Variants in AGBL3 observed in about 807,000 individuals in gnomAD.
AGBL3 encodes the protein AGBL carboxypeptidase 3.
In AGBL3, 68 loss-of-function variants were observed where a neutral mutation model predicts 94.5. The ratio of observed to expected loss-of-function variants is 0.72; its 90% CI spans 0.59 to 0.88. The LOEUF (loss-of-function observed/expected upper bound fraction) is 0.88. Ranked by LOEUF, AGBL3 falls within the 40% of genes least tolerant of loss-of-function variation. AGBL3 has a pLI of 0.00. For missense variants in AGBL3, 934 were observed against 1,103.8 expected (o/e 0.85, Z 2.18); for synonymous variants, 354 against 370.7 (o/e 0.95, Z 0.52).
chr7:135,049,287 T>C (rs56186797), intron 11 of AGBL3, among the ~76,000 whole-genome samples: 36,134 of 151,882 alleles, frequency 0.24, 5,351 homozygotes, highest in South Asian at 0.42. Flanking sequence ...TTAGTCATGG[T>C]GGGCAATCCT....
chr7:135,134,426 T>C (rs1427821382), intron 16 of AGBL3, among the ~76,000 whole-genome samples: 1 of 152,148 alleles, frequency 6.6e-6, no homozygotes, highest in East Asian at 1.9e-4. Context: ...TTGATTTTTT[T>C]ACTGGTTATA....
At chr7:135,028,591 C>T (rs902803070) in intron 5 of AGBL3, among the ~76,000 whole-genome samples, 1 of 152,208 alleles carries the variant, frequency 6.6e-6, no homozygotes, top group African/African-American at 2.4e-5. Context: ...GCAGTTACTT[C>T]CTCCAGTGAA....
At chr7:135,086,559 A>C (rs550710210) in intron 15 of AGBL3, among the ~76,000 whole-genome samples, 3 of 152,116 alleles carry the variant, frequency 2.0e-5, no homozygotes, top group Admixed American at 2.0e-4. Flanking sequence ...CTTTTTCTGC[A>C]TATATTGAGA....
chr7:135,004,259 C>A (rs1257246008), intron 4 of AGBL3, among the ~76,000 whole-genome samples: 3 of 151,462 alleles, frequency 2.0e-5, no homozygotes, highest in Non-Finnish European at 4.4e-5. Context: ...AATATTGAAC[C>A]AGTTGTATAG....
chr7:135,085,136 A>G (rs1403269389), intron 15 of AGBL3, among the ~76,000 whole-genome samples: 1 of 151,954 alleles, frequency 6.6e-6, no homozygotes, highest in African/African-American at 2.4e-5. Context: ...GGCCATTTGT[A>G]TGTCTTCTTT....
At position 135,104,375 on chromosome 7, in the gene AGBL3, C is replaced by T. The variant is rs559563792; in HGVS notation, c.2111-11005C>T. On this transcript the variant is annotated intron_variant, in intron 15 of 16. Transcript: ENST00000436302. ...TATTATTCACAATAGCAATGAATAGCGTTGCAGTGAACATACATATGCATG... is the reference window on the plus strand; with the variant it reads ...TATTATTCACAATAGCAATGAATAGTGTTGCAGTGAACATACATATGCATG... Among the ~76,000 whole-genome samples the T allele has an allele frequency of 5.3e-5, 8 of 152,118 alleles. No homozygotes were observed. In the East Asian group the frequency reaches 1.2e-3, roughly 22 times the overall value.
intron 12 of AGBL3, among the ~76,000 whole-genome samples, chr7:135,070,344 A>C (rs1414313148): frequency 6.6e-6 from 1 of 152,220 alleles, no homozygotes; most frequent in Non-Finnish European, 1.5e-5. Flanking sequence ...CAATCACTAG[A>C]AAAAGAGGGA....
chr7:134,994,371 A>G (rs761185706), intron 4 of AGBL3, among the ~76,000 whole-genome samples: 3 of 151,944 alleles, frequency 2.0e-5, no homozygotes, highest in Non-Finnish European at 4.4e-5. Context: ...TGAAGAGTAT[A>G]TATTTTAGTA....
intron 5 of AGBL3, among the ~76,000 whole-genome samples, chr7:135,028,253 T>C (rs370977594): frequency 6.6e-6 from 1 of 151,558 alleles, no homozygotes; most frequent in African/African-American, 2.4e-5. Context: ...CATAATTGAC[T>C]CTTCATGAAA....
chr7:135,087,177 T>G (rs1821397345), intron 15 of AGBL3, among the ~76,000 whole-genome samples: 1 of 151,952 alleles, frequency 6.6e-6, no homozygotes, highest in South Asian at 2.1e-4. Context: ...ATTTCCGTGT[T>G]ATCAGTTGTA....
In AGBL3 at chr7:135,037,422, A is replaced by T; in HGVS notation, c.1342A>T (p.Met448Leu). Residue 448 changes from methionine (M) to leucine (L), a missense_variant, in exon 8 of 17, where the codon ATG becomes TTG. This residue lies in a region of AGBL3 where 488 missense variants were observed against 563.6 expected (regional missense o/e 0.87). Transcript: ENST00000436302. Reference sequence around the variant, plus strand: ...ACTTATCTTTCTTCCTGGCAGACTGATGGAGAAACGAGAGGTTATTTTATA... The same window carrying T: ...ACTTATCTTTCTTCCTGGCAGACTGTTGGAGAAACGAGAGGTTATTTTATA... ...WYTRNMVHRLMEKREVILYCD... is the reference protein window; with the variant it reads ...WYTRNMVHRLLEKREVILYCD... 6.5e-7 allele frequency: 1 copy of T among 1,541,024 alleles called. No homozygotes were observed. Among genetic ancestry groups the T allele is most frequent in the Non-Finnish European group, 8.7e-7 (1 of 1,143,530 alleles).
chr7:135,001,846 A>G (rs1811758301), intron 4 of AGBL3, among the ~76,000 whole-genome samples: 1 of 152,292 alleles, frequency 6.6e-6, no homozygotes, highest in East Asian at 1.9e-4. Context: ...TAACTGAGAG[A>G]TTGTATGTTT....
At chr7:134,987,158 G>A (rs1809566286) in intron 1 of AGBL3, among the ~76,000 whole-genome samples, 1 of 152,218 alleles carries the variant, frequency 6.6e-6, no homozygotes, top group South Asian at 2.1e-4. Flanking sequence ...ATAGAGCTTG[G>A]ACTTAACTTA....
intron 11 of AGBL3, among the ~76,000 whole-genome samples, chr7:135,049,667 ATCT>A (rs1181928559): frequency 1.3e-5 from 2 of 151,862 alleles, no homozygotes; most frequent in Admixed American, 1.3e-4. Context: ...CTAGGCATTT[ATCT>A]TCTTCTTCCA....
intron 6 of AGBL3, 37 bp from the exon 7 acceptor site, chr7:135,034,112 C>A: frequency 2.2e-6 from 3 of 1,347,920 alleles, no homozygotes; most frequent in South Asian, 2.2e-5. Context: ...TTTTTACATT[C>A]TTACGTGCTT....
At chr7:135,132,662 G>A (rs185886029) in intron 16 of AGBL3, among the ~76,000 whole-genome samples, 10 of 152,188 alleles carry the variant, frequency 6.6e-5, no homozygotes, top group South Asian at 2.1e-4. Context: ...TACTCTTCTC[G>A]TGGTACTGAA....
chr7:135,045,127 AT>A (rs1468688358), intron 9 of AGBL3, among the ~76,000 whole-genome samples: 2 of 151,980 alleles, frequency 1.3e-5, no homozygotes, highest in African/African-American at 2.4e-5. Context: ...CTGATATAAC[AT>A]TTGTGATGAT....
chr7:134,987,184 C>G (rs532845257), intron 1 of AGBL3, among the ~76,000 whole-genome samples: 1 of 152,266 alleles, frequency 6.6e-6, no homozygotes, highest in Non-Finnish European at 1.5e-5. Context: ...AGTCCACGCT[C>G]CAAAACACGC....
intron 16 of AGBL3, among the ~76,000 whole-genome samples, chr7:135,127,342 G>A (rs1828022388): frequency 6.6e-6 from 1 of 151,632 alleles, no homozygotes; most frequent in South Asian, 2.1e-4. Context: ...GGATCACGAG[G>A]TCAGAATATC....
Sources: allele counts gnomAD v4.1 joint callset (sites outside exome capture counted in the v4.1 genomes callset), GRCh38; gene constraint gnomAD v4.1.1; regional missense constraint gnomAD v4.1.1; transcripts MANE v1.5; gene names NCBI Gene and HGNC (gene_info 2026-07-23, HGNC 2026-07-21).